LRRC42: variants seen among roughly 807,000 people sequenced by gnomAD.
LRRC42 encodes leucine rich repeat containing 42.
In LRRC42, 43 loss-of-function variants were observed where a neutral mutation model predicts 44.3. The observed-to-expected ratio is 0.97, with a 90% confidence interval of 0.76 to 1.25. The LOEUF (loss-of-function observed/expected upper bound fraction) is 1.25. Ranked by LOEUF, LRRC42 falls within the 50% of genes most tolerant of loss-of-function variation. The pLI, the probability that LRRC42 is intolerant of heterozygous loss-of-function variation, is 0.00. For missense variants in LRRC42, 540 were observed against 509.1 expected, an observed-to-expected ratio of 1.06 and a Z score of -0.58; for synonymous variants, 207 against 195.2, an observed-to-expected ratio of 1.06 and a Z score of -0.50.
chr1:53,963,538 CCT>C (rs1655049301), intron 7 of LRRC42, among the ~76,000 whole-genome samples: 1 of 152,216 alleles, frequency 6.6e-6, no homozygotes, highest in Non-Finnish European at 1.5e-5. Context: ...GAAACCAGGA[CCT>C]CTCTTGAGCA....
At chr1:53,953,488 G>T (rs555376540) in intron 3 of LRRC42, among the ~76,000 whole-genome samples, 5 of 151,932 alleles carry the variant, frequency 3.3e-5, no homozygotes, top group Non-Finnish European at 7.4e-5. Flanking sequence ...AGCCTCCCGA[G>T]TAGCTGGGAT....
chr1:53,968,164 C>T lies in LRRC42; in HGVS notation c.*225C>T. 1 of 465,648 alleles carries T rather than the reference C, an allele frequency of 2.1e-6. No homozygotes were observed. The highest frequency in any genetic ancestry group is 3.9e-6 in the Non-Finnish European group (1 of 259,526). The allele number at this position is 465,648 out of a possible 1,614,324, so 28.8% of individuals were successfully genotyped here. A position where few individuals can be genotyped will look rare whatever the true frequency, so the allele number is the denominator to read the frequency against. On this transcript the variant is annotated 3_prime_UTR_variant, in exon 9 of 9. Transcript: ENST00000371370. ...TTTTCAAATAAACATTTTTGCTGTC[C>T]TTAAGTTCTGCTTGTGGATTATAGA...
At chr1:53,949,186 G>A (rs1054330980) in intron 2 of LRRC42, among the ~76,000 whole-genome samples, 4 of 152,276 alleles carry the variant, frequency 2.6e-5, no homozygotes, top group African/African-American at 9.6e-5. Context: ...CCAGGTTAGG[G>A]TCCTTACTCT....
chr1:53,946,774 C>T (rs1231806629), intron 1 of LRRC42, among the ~76,000 whole-genome samples: 1 of 151,016 alleles, frequency 6.6e-6, no homozygotes, highest in Admixed American at 6.6e-5. Flanking sequence ...GGGTTCGGGG[C>T]CTGGGTGGGA....
At chr1:53,963,088 A>G (rs571615776) in intron 7 of LRRC42, among the ~76,000 whole-genome samples, 155 of 152,176 alleles carry the variant, frequency 1.0e-3, no homozygotes, top group Non-Finnish European at 1.5e-3. Context: ...CTTTTAACCA[A>G]TGTTTCTTGG....
At position 53,962,039 on chromosome 1, in the gene LRRC42, C is replaced by T; in HGVS notation, c.730C>T (p.Pro244Ser). 6.2e-7 allele frequency: 1 copy of T among 1,611,230 alleles called. No homozygotes were observed. The highest frequency in any genetic ancestry group is 1.1e-5 in the South Asian group (1 of 90,808). ...NLTLLDLSCN[P>S]EITDAGIGYL... ...ACGTTGTTTTTGACATCTAGGTAAC[C>T]CTGAGATCACAGATGCAGGCATTGG... The change falls in exon 6 of 9, where the codon CCT (proline) becomes TCT (serine). Residue 244 changes from proline to serine, a missense_variant. Coordinates refer to ENST00000371370, the MANE Select transcript of LRRC42 (RefSeq NM_001256409.2).
At chr1:53,952,681 AC>A (rs1489084538) in intron 3 of LRRC42, among the ~76,000 whole-genome samples, 1 of 152,222 alleles carries the variant, frequency 6.6e-6, no homozygotes, top group African/African-American at 2.4e-5. Flanking sequence ...AAATCATTTT[AC>A]AAGGATTAGT....
chr1:53,948,512 A>G (rs931765409), intron 2 of LRRC42, among the ~76,000 whole-genome samples: 7 of 152,334 alleles, frequency 4.6e-5, no homozygotes, highest in East Asian at 1.9e-4. Context: ...TAGAACATAC[A>G]TGATTGTAAT....
At chr1:53,958,545 C>T (rs1004405464) in intron 4 of LRRC42, among the ~76,000 whole-genome samples, 10 of 152,040 alleles carry the variant, frequency 6.6e-5, no homozygotes, top group African/African-American at 9.7e-5. Context: ...CTTGAAGCTA[C>T]GTAGGTTAAA....
At chr1:53,951,677 G>A (rs890312601) in intron 2 of LRRC42, among the ~76,000 whole-genome samples, 1 of 152,096 alleles carries the variant, frequency 6.6e-6, no homozygotes, top group African/African-American at 2.4e-5. Flanking sequence ...CGCCCGCCTC[G>A]GCCTCCCAAA....
At chr1:53,965,483 T>C (rs1306398966) in intron 7 of LRRC42, among the ~76,000 whole-genome samples, 1 of 151,194 alleles carries the variant, frequency 6.6e-6, no homozygotes. Flanking sequence ...TTTTTTCTTT[T>C]CTTTTTTTTT....
intron 4 of LRRC42, among the ~76,000 whole-genome samples, chr1:53,959,082 C>T (rs943986995): frequency 2.0e-5 from 3 of 152,244 alleles, no homozygotes; most frequent in Admixed American, 2.0e-4. Context: ...GGGGGTTTTG[C>T]CATGTTGGCC....
intron 3 of LRRC42, among the ~76,000 whole-genome samples, chr1:53,957,537 G>A (rs1654873074): frequency 6.6e-6 from 1 of 152,210 alleles, no homozygotes; most frequent in South Asian, 2.1e-4. Flanking sequence ...CTCGTGCTCA[G>A]GGTTTGTCTT....
intron 2 of LRRC42, 115 bp from the exon 3 acceptor site, chr1:53,951,871 A>G (rs1408018474): frequency 1.2e-6 from 1 of 858,908 alleles, no homozygotes; most frequent in Non-Finnish European, 1.7e-6. Context: ...CTTTTCCTAA[A>G]CCAGCCACCA....
At chr1:53,965,008 G>C (rs56727760) in intron 7 of LRRC42, among the ~76,000 whole-genome samples, 2 of 112,820 alleles carry the variant, frequency 1.8e-5, no homozygotes, top group Non-Finnish European at 2.0e-5. Flanking sequence ...GTTTTTTTTT[G>C]TTTTTTTTTT....
At chr1:53,962,005 CAG>C in intron 5 of LRRC42, 27 bp from the exon 6 acceptor site, 1 of 1,485,974 alleles carries the variant, frequency 6.7e-7, no homozygotes, top group Non-Finnish European at 9.3e-7. Flanking sequence ...TATATTGTGA[CAG>C]AATGCTACGT....
At chr1:53,963,738 C>T (rs960839648) in intron 7 of LRRC42, among the ~76,000 whole-genome samples, 1 of 152,152 alleles carries the variant, frequency 6.6e-6, no homozygotes, top group Non-Finnish European at 1.5e-5. Flanking sequence ...TCCTCATTCT[C>T]ATCTCACAAG....
chr1:53,967,599 C>G (rs772456393), intron 8 of LRRC42, 66 bp from the exon 9 acceptor site: 2 of 1,481,446 alleles, frequency 1.4e-6, no homozygotes, highest in Admixed American at 1.8e-5. Flanking sequence ...TGGGTTTATC[C>G]TAGACTGATG....
intron 3 of LRRC42, 55 bp from the exon 4 acceptor site, chr1:53,958,094 G>C: frequency 6.2e-7 from 1 of 1,604,060 alleles, no homozygotes; most frequent in Non-Finnish European, 8.5e-7. Context: ...TCCACAAATG[G>C]TAATGCTTTA....
Sources: allele counts gnomAD v4.1 joint callset (sites outside exome capture counted in the v4.1 genomes callset), GRCh38; gene constraint gnomAD v4.1.1; transcripts MANE v1.5; gene names NCBI Gene and HGNC (gene_info 2026-07-23, HGNC 2026-07-21).